Variants in ANO1 observed in about 807,000 individuals in gnomAD.
ANO1 encodes the protein anoctamin 1, also known as anoctamin-1.
Under a neutral mutation model 124.0 loss-of-function variants are expected in ANO1, and 59 were observed. The ratio of observed to expected loss-of-function variants is 0.48; its 90% CI spans 0.39 to 0.59. The LOEUF is 0.59. Among genes scored for constraint, ANO1 ranks in the 20% least tolerant of loss-of-function variants. The pLI, the probability that ANO1 is intolerant of heterozygous loss-of-function variation, is 0.00. For missense variants in ANO1, 1,059 were observed against 1,328.0 expected (o/e 0.80, Z 3.15); for synonymous variants, 529 against 532.0 (o/e 0.99, Z 0.08).
chr11:70,046,821 C>T (rs1857266619), intron 1 of ANO1, among the ~76,000 whole-genome samples: 1 of 152,144 alleles, frequency 6.6e-6, no homozygotes, highest in Non-Finnish European at 1.5e-5. Flanking sequence ...CACCCATAAT[C>T]CCAGCACTTT....
chr11:70,042,511 CACAG>C (rs1565167274), intron 1 of ANO1, among the ~76,000 whole-genome samples: 1 of 150,120 alleles, frequency 6.7e-6, no homozygotes, highest in African/African-American at 2.5e-5. Context: ...CATACATATA[CACAG>C]AGAGAGAGAG....
chr11:69,998,742 G>T (rs1554998780), intron 1 of ANO1, among the ~76,000 whole-genome samples: 1 of 152,144 alleles, frequency 6.6e-6, no homozygotes, highest in East Asian at 1.9e-4. Context: ...GAGGTCAGGA[G>T]TTCGAGACCA....
intron 1 of ANO1, among the ~76,000 whole-genome samples, chr11:70,028,945 C>A (rs1856955228): frequency 6.6e-6 from 1 of 152,124 alleles, no homozygotes; most frequent in Non-Finnish European, 1.5e-5. Flanking sequence ...TCACGCCTGG[C>A]TAATTTTTGT....
At chr11:70,085,963 G>T (rs1421347985) in intron 1 of ANO1, among the ~76,000 whole-genome samples, 1 of 152,256 alleles carries the variant, frequency 6.6e-6, no homozygotes, top group Non-Finnish European at 1.5e-5. Context: ...CACGTGGGGG[G>T]ACCCTCCAGG....
intron 1 of ANO1, among the ~76,000 whole-genome samples, chr11:70,069,937 ATGTGCATGCATGTACT>A (rs1555009105): frequency 1.4e-5 from 2 of 148,012 alleles, no homozygotes; most frequent in African/African-American, 4.9e-5. Context: ...GCATGCAAGG[ATGTGCATGCATGTACT>A]TACTAACCCT....
chr11:70,086,266 A>G (rs1287804038), intron 1 of ANO1, among the ~76,000 whole-genome samples: 2 of 152,120 alleles, frequency 1.3e-5, no homozygotes, highest in South Asian at 4.1e-4. Flanking sequence ...GGAAACCCAG[A>G]TTGCTGATCG....
At chr11:70,073,433 G>T (rs1009726008), upstream of ANO1, among the ~76,000 whole-genome samples, 1 of 152,232 alleles carries the variant, frequency 6.6e-6, no homozygotes, top group Admixed American at 6.5e-5. Context: ...CTTAACATTT[G>T]TAAAGAGCTT....
chr11:70,100,158 T>A (rs2045205310), intron 2 of ANO1, among the ~76,000 whole-genome samples: 1 of 152,158 alleles, frequency 6.6e-6, no homozygotes, highest in African/African-American at 2.4e-5. Flanking sequence ...TCCGTGCTCC[T>A]GCAAAGCTCC....
intron 16 of ANO1, among the ~76,000 whole-genome samples, chr11:70,160,130 G>T (rs889307829): frequency 1.3e-5 from 2 of 152,184 alleles, no homozygotes; most frequent in African/African-American, 4.8e-5. Flanking sequence ...GGAGCCACCT[G>T]TGACTGTGCC....
At position 70,125,851 on chromosome 11, in the gene ANO1, AAC is replaced by A. The variant is rs199919802; in HGVS notation, c.963-208_963-207del. On this transcript the variant is annotated intron_variant, in intron 9 of 25. Transcript: ENST00000355303. ...AGAGCGAGACTCCATCTCAAAAAAA[AAC>A]AAAAAAAGAGAGAAGAGGGGAGGGC... Among the ~76,000 whole-genome samples the A allele has an allele frequency of 1.3e-3, 172 of 129,446 alleles. 9 individuals carry two copies. The highest frequency in any genetic ancestry group is 4.1e-3 in the Middle Eastern group (1 of 242). The allele number at this position is 129,446 out of a possible 152,430, so 84.9% of individuals were successfully genotyped here. A position where few individuals can be genotyped will look rare whatever the true frequency, so the allele number is the denominator to read the frequency against.
intron 10 of ANO1, 118 bp downstream of exon 10, chr11:70,126,313 C>T: frequency 2.3e-6 from 3 of 1,306,408 alleles, no homozygotes; most frequent in East Asian, 2.7e-5. Flanking sequence ...ACACATGAAA[C>T]CTCACGCCAA....
At chr11:69,998,446 T>C (rs1277375933) in intron 1 of ANO1, among the ~76,000 whole-genome samples, 2 of 152,210 alleles carry the variant, frequency 1.3e-5, no homozygotes, top group Non-Finnish European at 2.9e-5. Flanking sequence ...TTGGTGTTCA[T>C]GAGTAGTATG....
At chr11:69,977,744 G>A in the ANO1 span, among the ~76,000 whole-genome samples, 1 of 152,248 alleles carries the variant, frequency 6.6e-6, no homozygotes, top group Non-Finnish European at 1.5e-5. Flanking sequence ...CCAGATGACT[G>A]CAGCCCCGAG....
chr11:70,037,397 C>T (rs1555004519), intron 1 of ANO1, among the ~76,000 whole-genome samples: 1 of 152,010 alleles, frequency 6.6e-6, no homozygotes, highest in Non-Finnish European at 1.5e-5. Flanking sequence ...GATATGATTA[C>T]AAATGGGGCT....
At chr11:70,079,884 G>T (rs560282684) in intron 1 of ANO1, among the ~76,000 whole-genome samples, 1 of 152,352 alleles carries the variant, frequency 6.6e-6, no homozygotes, top group African/African-American at 2.4e-5. Flanking sequence ...GTGGAGGGGG[G>T]TGGCCTGGGG....
chr11:70,118,212 C>T (rs1219405803), intron 8 of ANO1, among the ~76,000 whole-genome samples: 1 of 152,052 alleles, frequency 6.6e-6, no homozygotes, highest in Non-Finnish European at 1.5e-5. Context: ...TCCTCCCCCT[C>T]CTCCATTCTC....
chr11:69,986,589 TG>T (rs782414085), intron 1 of ANO1, among the ~76,000 whole-genome samples: 15 of 152,202 alleles, frequency 9.9e-5, no homozygotes, highest in Admixed American at 2.6e-4. Flanking sequence ...AATATTTCCG[TG>T]CTATTCTGGA....
intron 1 of ANO1, among the ~76,000 whole-genome samples, chr11:70,000,869 ACT>A (rs1210451327): frequency 1.1e-4 from 16 of 151,782 alleles, no homozygotes; most frequent in Admixed American, 3.3e-4. Context: ...AACCGCAGTG[ACT>A]CTCACAAATC....
intron 1 of ANO1, among the ~76,000 whole-genome samples, chr11:70,043,242 G>T (rs970927730): frequency 5.3e-5 from 8 of 151,906 alleles, no homozygotes; most frequent in Non-Finnish European, 1.0e-4. Flanking sequence ...GCAGAAGAAA[G>T]GATCAACAAA....
Sources: allele counts gnomAD v4.1 joint callset (sites outside exome capture counted in the v4.1 genomes callset), GRCh38; gene constraint gnomAD v4.1.1; transcripts MANE v1.5; gene names NCBI Gene and HGNC (gene_info 2026-07-23, HGNC 2026-07-21).